Variants in ELL2 observed in about 807,000 individuals in gnomAD.
The protein encoded by ELL2 is RNA polymerase II elongation factor ELL2.
Under a neutral mutation model 72.8 loss-of-function variants are expected in ELL2, and 21 were observed. That is an observed-to-expected ratio of 0.29 (90% confidence interval 0.20 to 0.42). The LOEUF is 0.42. ELL2 is among the 10% of genes least tolerant of loss of function. The pLI, the probability that ELL2 is intolerant of heterozygous loss-of-function variation, is 1.00. For synonymous variants in ELL2, 266 were observed against 283.2 expected (o/e 0.94, Z 0.61); for missense variants, 568 against 772.8 (o/e 0.73, Z 3.14).
chr5:95,887,376 C>CAA lies in ELL2; in HGVS notation c.*1493_*1494dup, dbSNP rs1490721576. On this transcript the variant is annotated 3_prime_UTR_variant, in exon 12 of 12. Transcript: ENST00000237853. ...TTTTCTGGTTTACAGTGATACACAACAAAGTTATTCATTTATTTTTCTGGA... is the reference window on the plus strand; with the variant it reads ...TTTTCTGGTTTACAGTGATACACAACAAAAAGTTATTCATTTATTTTTCTGGA... The CAA allele has an allele frequency of 1.2e-4, 18 of 152,554 alleles. No homozygotes were observed. The highest frequency in any genetic ancestry group is 4.3e-4 in the African/African-American group (18 of 41,432). 9.5% of individuals were successfully genotyped at this position (152,554 alleles called of 1,614,324 possible).
chr5:95,940,660 A>T (rs1203785874), intron 2 of ELL2, among the ~76,000 whole-genome samples: 3 of 152,242 alleles, frequency 2.0e-5, no homozygotes, highest in Non-Finnish European at 4.4e-5. Context: ...AAAGACAAAT[A>T]AAATTTCTCA....
At chr5:95,924,728 C>A (rs1303810190) in intron 2 of ELL2, among the ~76,000 whole-genome samples, 1 of 152,158 alleles carries the variant, frequency 6.6e-6, no homozygotes, top group Non-Finnish European at 1.5e-5. Context: ...CAACCCTCCT[C>A]CCAACCTCCT....
At chr5:95,905,880 G>C (rs942572034) in intron 5 of ELL2, among the ~76,000 whole-genome samples, 18 of 152,012 alleles carry the variant, frequency 1.2e-4, no homozygotes, top group Admixed American at 1.0e-3. Flanking sequence ...CAGATGGACA[G>C]AAGGAAGGAA....
Position 95,961,642 on chromosome 5 carries a change from ATGT to A in ELL2, c.77_79del (p.Asn26del). 2 of 1,610,054 alleles carry A rather than the reference ATGT, an allele frequency of 1.2e-6. No homozygotes were observed. The highest frequency in any genetic ancestry group is 8.5e-7 in the Non-Finnish European group (1 of 1,178,700). The stretch of plus-strand genomic sequence containing the variant: ...GGTGAGCTTCACATGCAGTACGGTG[ATGT>A]TGTCCTGCCCCAGCCGTCCGCACGA... On this transcript the variant is annotated inframe_deletion, in exon 1 of 12. Transcript: ENST00000237853.
At chr5:95,934,913 A>G (rs773217052) in intron 2 of ELL2, among the ~76,000 whole-genome samples, 1 of 152,212 alleles carries the variant, frequency 6.6e-6, no homozygotes, top group Non-Finnish European at 1.5e-5. Flanking sequence ...ACCCATAAAG[A>G]TGACAAATTA....
chr5:95,927,414 T>C (rs1375813088), intron 2 of ELL2, among the ~76,000 whole-genome samples: 1 of 57,270 alleles, frequency 1.7e-5, no homozygotes, highest in Non-Finnish European at 3.1e-5. Context: ...CACACGTGTG[T>C]ATATAGACAT....
chr5:95,916,825 G>C (rs1343615296), intron 3 of ELL2, among the ~76,000 whole-genome samples: 1 of 151,774 alleles, frequency 6.6e-6, no homozygotes, highest in African/African-American at 2.4e-5. Context: ...AGAGAGGGGG[G>C]AGAGTGGGAG....
At chr5:95,905,788 T>G (rs1443378501) in intron 5 of ELL2, among the ~76,000 whole-genome samples, 1 of 152,108 alleles carries the variant, frequency 6.6e-6, no homozygotes, top group Non-Finnish European at 1.5e-5. Context: ...AATAACTTCT[T>G]TGGAAATGTT....
At chr5:95,950,898 GTATGTGTA>G (rs1160272353) in intron 1 of ELL2, among the ~76,000 whole-genome samples, 1 of 29,282 alleles carries the variant, frequency 3.4e-5, no homozygotes, top group African/African-American at 2.2e-4. Flanking sequence ...ATGTATGTAT[GTATGTGTA>G]TATATATATA....
At chr5:95,928,601 G>T (rs77455772) in intron 2 of ELL2, among the ~76,000 whole-genome samples, 21 of 151,932 alleles carry the variant, frequency 1.4e-4, no homozygotes, top group Non-Finnish European at 2.1e-4. Flanking sequence ...ACACATAATC[G>T]TAAGACTTAC....
At chr5:95,943,127 CTA>C (rs1751031346) in intron 1 of ELL2, 78 bp from the exon 2 acceptor site, 2 of 1,304,804 alleles carry the variant, frequency 1.5e-6, no homozygotes, top group African/African-American at 1.5e-5. Flanking sequence ...AACTTTAAAT[CTA>C]TGTTATTTGG....
At chr5:95,890,424 T>G (rs1748617495) in intron 10 of ELL2, among the ~76,000 whole-genome samples, 1 of 152,202 alleles carries the variant, frequency 6.6e-6, no homozygotes, top group South Asian at 2.1e-4. Context: ...CCGTGAAGTG[T>G]GACAAAGTTA....
chr5:95,945,699 T>C (rs1178946833), intron 1 of ELL2, among the ~76,000 whole-genome samples: 3 of 152,060 alleles, frequency 2.0e-5, no homozygotes, highest in African/African-American at 7.2e-5. Flanking sequence ...TGAATAGCAG[T>C]TTAGAAAAGG....
At chr5:95,901,709 G>C (rs2112281777) in intron 5 of ELL2, among the ~76,000 whole-genome samples, 1 of 152,334 alleles carries the variant, frequency 6.6e-6, no homozygotes, top group Admixed American at 6.5e-5. Context: ...GAGATGGCTA[G>C]TGACTAATGG....
chr5:95,907,353 A>G (rs371791426), intron 4 of ELL2, among the ~76,000 whole-genome samples: 12 of 150,282 alleles, frequency 8.0e-5, no homozygotes, highest in African/African-American at 3.0e-4. Context: ...AAACTAACCA[A>G]CCAACCAACC....
At chr5:95,901,181 A>G (rs1749124443) in intron 5 of ELL2, 101 bp from the exon 6 acceptor site, 1 of 1,315,090 alleles carries the variant, frequency 7.6e-7, no homozygotes, top group Non-Finnish European at 1.0e-6. Flanking sequence ...AATTACATCA[A>G]TTGGCCCCAA....
intron 5 of ELL2, among the ~76,000 whole-genome samples, chr5:95,901,679 C>T (rs1053488498): frequency 3.9e-5 from 6 of 152,172 alleles, no homozygotes; most frequent in African/African-American, 1.4e-4. Context: ...TATGATATTA[C>T]AACAGTCGAT....
intron 9 of ELL2, among the ~76,000 whole-genome samples, chr5:95,894,108 C>T (rs1480569048): frequency 1.3e-5 from 2 of 152,132 alleles, no homozygotes; most frequent in African/African-American, 4.8e-5. Context: ...AAAAATTACC[C>T]AGGCGTGGTA....
At chr5:95,959,554 C>G (rs1017019324) in intron 1 of ELL2, among the ~76,000 whole-genome samples, 2 of 152,176 alleles carry the variant, frequency 1.3e-5, no homozygotes, top group African/African-American at 4.8e-5. Flanking sequence ...TTTCTGGCTT[C>G]CCCCATATGG....
Sources: gnomAD v4.1 joint callset for allele counts (sites outside exome capture counted in the v4.1 genomes callset) on GRCh38, gnomAD v4.1.1 for gene constraint, MANE v1.5 for transcripts, NCBI Gene and HGNC (gene_info 2026-07-23, HGNC 2026-07-21) for gene names.